PTPRZ1: variants seen among roughly 807,000 people sequenced by gnomAD.
PTPRZ1 encodes receptor-type tyrosine-protein phosphatase zeta.
PTPRZ1 carries 82 observed loss-of-function variants against 214.1 expected under a neutral mutation model. The ratio of observed to expected loss-of-function variants is 0.38; its 90% CI spans 0.32 to 0.46. PTPRZ1 has a LOEUF of 0.46. PTPRZ1 is among the 20% of genes least tolerant of loss of function. PTPRZ1 has a pLI of 1.00. For missense variants in PTPRZ1, 2,603 were observed against 2,748.7 expected (o/e 0.95, Z 1.19); for synonymous variants, 945 against 987.9 (o/e 0.96, Z 0.81).
chr7:122,045,504 G>A (rs1799863884), intron 23 of PTPRZ1, among the ~76,000 whole-genome samples: 1 of 151,998 alleles, frequency 6.6e-6, no homozygotes, highest in African/African-American at 2.4e-5. Flanking sequence ...GAGAAAGATT[G>A]GGATCAATAC....
At chr7:122,033,805 A>G in intron 15 of PTPRZ1, 1 of 393,690 alleles carries the variant, frequency 2.5e-6, no homozygotes, top group Non-Finnish European at 4.5e-6. Context: ...GTATCATGGA[A>G]TATGTGGTTC....
chr7:121,900,032 G>A (rs577557190), intron 1 of PTPRZ1, among the ~76,000 whole-genome samples: 1 of 152,152 alleles, frequency 6.6e-6, no homozygotes, highest in Non-Finnish European at 1.5e-5. Flanking sequence ...TGAAGCCTGA[G>A]CAGATGTGAG....
chr7:121,894,865 T>C, intron 1 of PTPRZ1, among the ~76,000 whole-genome samples: 1 of 152,178 alleles, frequency 6.6e-6, no homozygotes. Flanking sequence ...TCATTGTCTT[T>C]GTCATATATA....
rs1799647884 is a variant in PTPRZ1 at position 122,039,424 on chromosome 7, C to T, written c.5503-30C>T. On this transcript the variant is annotated intron_variant, in intron 19 of 29. Transcript: ENST00000393386. ...ACTTTTACATGGAGCATTTGAAATACAGAAGTAACATCTACATTTTCTTTT... is the reference window on the plus strand; with the variant it reads ...ACTTTTACATGGAGCATTTGAAATATAGAAGTAACATCTACATTTTCTTTT... The T allele has an allele frequency of 1.9e-6, 3 of 1,604,270 alleles. No homozygotes were observed. In the African/African-American group the frequency reaches 4.0e-5, roughly 22 times the overall value.
At chr7:121,939,822 T>A (rs1180611512) in intron 2 of PTPRZ1, among the ~76,000 whole-genome samples, 5 of 152,122 alleles carry the variant, frequency 3.3e-5, no homozygotes, top group African/African-American at 4.8e-5. Context: ...ATTTTTTTTT[T>A]AAAGCATGGT....
At chr7:121,890,840 T>A (rs1486125291) in intron 1 of PTPRZ1, among the ~76,000 whole-genome samples, 1 of 151,930 alleles carries the variant, frequency 6.6e-6, no homozygotes, top group Admixed American at 6.6e-5. Flanking sequence ...TGGCTATTTT[T>A]TTTTTCTTCA....
rs754338874 is a variant in PTPRZ1, at chr7:122,011,094, T to C, written c.2048T>C (p.Val683Ala). The C allele has an allele frequency of 1.9e-6, 3 of 1,614,028 alleles. No homozygotes were observed. The highest frequency in any genetic ancestry group is 2.5e-6 in the Non-Finnish European group (3 of 1,180,008). ...CAGACTAATTACACTGAGATACGTG[T>C]TGATGAATCTGAGAAGACAACCAAG... ...FLQTNYTEIR[V>A]DESEKTTKSF... The change falls in exon 12 of 30, where the codon GTT becomes GCT. Residue 683 changes from valine to alanine, a missense_variant. Physicochemically the swap from Val to Ala is moderately conservative, Grantham distance 64. Coordinates refer to ENST00000393386, the MANE Select transcript of PTPRZ1 (RefSeq NM_002851.3).
intron 11 of PTPRZ1, among the ~76,000 whole-genome samples, chr7:122,006,622 A>G (rs1276336125): frequency 2.0e-5 from 3 of 152,096 alleles, no homozygotes; most frequent in African/African-American, 7.2e-5. Context: ...TGCCATGTAC[A>G]TATATGACAA....
At chr7:122,050,175 GC>G (rs1448337786) in intron 23 of PTPRZ1, among the ~76,000 whole-genome samples, 1 of 152,020 alleles carries the variant, frequency 6.6e-6, no homozygotes, top group African/African-American at 2.4e-5. Context: ...GGGCACAGTA[GC>G]TCACACCAGT....
At chr7:121,980,994 T>G (rs746140822) in intron 6 of PTPRZ1, among the ~76,000 whole-genome samples, 16 of 151,782 alleles carry the variant, frequency 1.1e-4, no homozygotes, top group Non-Finnish European at 1.8e-4. Context: ...CACAAAAAAT[T>G]AGCCAGGCGT....
At chr7:121,920,497 G>A (rs570124274) in intron 1 of PTPRZ1, among the ~76,000 whole-genome samples, 10 of 151,650 alleles carry the variant, frequency 6.6e-5, no homozygotes, top group South Asian at 2.1e-4. Context: ...TTGTATATAC[G>A]TTGATATTTT....
chr7:121,928,504 G>GT (rs1307894967), intron 2 of PTPRZ1, among the ~76,000 whole-genome samples: 5 of 152,028 alleles, frequency 3.3e-5, no homozygotes, highest in Non-Finnish European at 5.9e-5. Context: ...CTGGGGCTCT[G>GT]TTTTTTTCAA....
chr7:122,057,064 T>C (rs934486988), intron 27 of PTPRZ1, among the ~76,000 whole-genome samples: 8 of 152,146 alleles, frequency 5.3e-5, no homozygotes, highest in Non-Finnish European at 1.2e-4. Context: ...CTTGGTTTGA[T>C]GTTGCTATTA....
At chr7:121,899,415 T>C (rs1342943100) in intron 1 of PTPRZ1, among the ~76,000 whole-genome samples, 1 of 152,228 alleles carries the variant, frequency 6.6e-6, no homozygotes, top group Admixed American at 6.5e-5. Context: ...ATAAAATATA[T>C]GGAAGATAAA....
At chr7:122,015,797 A>G (rs904481317) in intron 12 of PTPRZ1, among the ~76,000 whole-genome samples, 1 of 152,032 alleles carries the variant, frequency 6.6e-6, no homozygotes, top group Non-Finnish European at 1.5e-5. Context: ...AATTATCAAG[A>G]GTGTGTTCTC....
intron 8 of PTPRZ1, among the ~76,000 whole-genome samples, chr7:121,989,523 C>T (rs1040038449): frequency 5.3e-5 from 8 of 152,008 alleles, no homozygotes; most frequent in Non-Finnish European, 2.9e-5. Context: ...TACTGGCATG[C>T]GCCACCACAC....
chr7:121,875,668 T>A (rs952923034), intron 1 of PTPRZ1, among the ~76,000 whole-genome samples: 1 of 152,252 alleles, frequency 6.6e-6, no homozygotes, highest in Non-Finnish European at 1.5e-5. Context: ...ACTTTTGTAT[T>A]CCTCACCATT....
At chr7:121,905,364 G>A (rs891156336) in intron 1 of PTPRZ1, among the ~76,000 whole-genome samples, 3 of 152,052 alleles carry the variant, frequency 2.0e-5, no homozygotes, top group Admixed American at 2.0e-4. Flanking sequence ...GAGAAGAGTC[G>A]TGGACAAAGG....
intron 1 of PTPRZ1, among the ~76,000 whole-genome samples, chr7:121,926,320 T>A (rs1170377273): frequency 1.0e-4 from 12 of 118,722 alleles, no homozygotes; most frequent in Admixed American, 8.2e-5. Context: ...AAAAAAAGGA[T>A]TACAATTACA....
Sources: gnomAD v4.1 joint callset for allele counts (sites outside exome capture counted in the v4.1 genomes callset) on GRCh38, gnomAD v4.1.1 for gene constraint, MANE v1.5 for transcripts, NCBI Gene and HGNC (gene_info 2026-07-23, HGNC 2026-07-21) for gene names.